CSMD1: variants seen among roughly 807,000 people sequenced by gnomAD.
The protein encoded by CSMD1 is CUB and sushi domain-containing protein 1.
A neutral mutation model predicts 417.5 loss-of-function variants in CSMD1; 213 were observed. That is an observed-to-expected ratio of 0.51 (90% CI 0.46 to 0.57). The LOEUF (loss-of-function observed/expected upper bound fraction) is 0.57, where lower values mean the gene tolerates loss of function less well. CSMD1 is among the 20% of genes least tolerant of loss of function. The probability of loss-of-function intolerance (pLI) is 0.00; values close to 1 mark genes in which losing one functional copy is unlikely to be tolerated. For missense variants in CSMD1, 6,923 were observed against 4,529.7 expected, an observed-to-expected ratio of 1.53 and a Z score of -15.17; for synonymous variants, 2,862 against 1,736.8, an observed-to-expected ratio of 1.65 and a Z score of -16.11.
intron 8 of CSMD1, among the ~76,000 whole-genome samples, chr8:3,601,659 G>A (rs78081875): frequency 5.6e-4 from 86 of 152,272 alleles, no homozygotes; most frequent in African/African-American, 2.0e-3. Context: ...TAAGGCTAAT[G>A]GAAGCCTGTG....
At chr8:4,461,322 G>C (rs1331816543) in intron 2 of CSMD1, among the ~76,000 whole-genome samples, 1 of 151,826 alleles carries the variant, frequency 6.6e-6, no homozygotes, top group East Asian at 1.9e-4. Flanking sequence ...TCAGCAATAA[G>C]ACAAATTCTA....
chr8:3,900,698 G>A (rs1170462094), intron 5 of CSMD1, among the ~76,000 whole-genome samples: 1 of 151,826 alleles, frequency 6.6e-6, no homozygotes, highest in Non-Finnish European at 1.5e-5. Context: ...TGGTGGCCCT[G>A]AAGCTGGATG....
chr8:3,719,615 T>G (rs2129043999), intron 6 of CSMD1, among the ~76,000 whole-genome samples: 2 of 152,240 alleles, frequency 1.3e-5, no homozygotes, highest in East Asian at 3.9e-4. Context: ...AAAAAGATGC[T>G]CTATGCACAG....
intron 1 of CSMD1, among the ~76,000 whole-genome samples, chr8:4,654,325 C>G (rs1804092275): frequency 6.6e-6 from 1 of 152,090 alleles, no homozygotes; most frequent in Non-Finnish European, 1.5e-5. Flanking sequence ...GGATGTATTG[C>G]TTTCTATGCA....
chr8:3,614,500 G>C (rs937238834), intron 8 of CSMD1, among the ~76,000 whole-genome samples: 1 of 152,188 alleles, frequency 6.6e-6, no homozygotes, highest in Non-Finnish European at 1.5e-5. Context: ...GATTGCCCAT[G>C]TGCTAAGAAG....
chr8:3,121,075 G>C (rs1237209976), intron 41 of CSMD1, among the ~76,000 whole-genome samples: 1 of 143,656 alleles, frequency 7.0e-6, no homozygotes, highest in East Asian at 2.2e-4. Flanking sequence ...TTACACTACA[G>C]AAATCCAAAC....
intron 3 of CSMD1, among the ~76,000 whole-genome samples, chr8:4,121,440 C>T (rs1286841416): frequency 6.6e-6 from 1 of 152,160 alleles, no homozygotes; most frequent in Non-Finnish European, 1.5e-5. Context: ...ACGCCCACCA[C>T]ACCGGTCAAG....
At chr8:3,484,868 C>G (rs966400973) in intron 11 of CSMD1, among the ~76,000 whole-genome samples, 9 of 152,168 alleles carry the variant, frequency 5.9e-5, no homozygotes, top group African/African-American at 2.2e-4. Context: ...ATTTAAACCA[C>G]AACGAGGTGT....
chr8:4,212,080 C>G (rs1563281435), intron 3 of CSMD1, among the ~76,000 whole-genome samples: 1 of 151,668 alleles, frequency 6.6e-6, no homozygotes, highest in African/African-American at 2.4e-5. Context: ...AAGAATATGC[C>G]TTGTCAACGG....
rs368391722 is a variant in CSMD1, at chr8:2,962,555, T to A, written c.9539A>T (p.Gln3180Leu). 46 of 1,613,806 alleles carry A rather than the reference T, an allele frequency of 2.9e-5. No homozygotes were observed. The highest frequency in any genetic ancestry group is 3.6e-5 in the Non-Finnish European group (43 of 1,179,858). Residue 3180 changes from glutamine to leucine, a missense_variant, in exon 61 of 70, where the codon CAG becomes CTG. Physicochemically the swap from Gln to Leu is moderately radical, Grantham distance 113. Transcript: ENST00000635120. ...SFTYKSEVFF[Q>L]CKSPFILVGS... The stretch of plus-strand genomic sequence containing the variant: ...CACGAGTATAAATGGAGATTTGCAC[T>A]GGAAGAAGACTTCGGACTTATAGGT...
chr8:3,369,685 T>G (rs1375355593), intron 18 of CSMD1, among the ~76,000 whole-genome samples: 1 of 152,212 alleles, frequency 6.6e-6, no homozygotes, highest in Non-Finnish European at 1.5e-5. Context: ...GCCGCTGGTC[T>G]TCTTAGCAGC....
intron 1 of CSMD1, among the ~76,000 whole-genome samples, chr8:4,812,206 G>T (rs1798947441): frequency 6.6e-6 from 1 of 152,148 alleles, no homozygotes; most frequent in South Asian, 2.1e-4. Context: ...TCACTGCCTT[G>T]CCTACGTCTC....
intron 5 of CSMD1, among the ~76,000 whole-genome samples, chr8:3,880,114 T>C (rs931933456): frequency 5.3e-5 from 8 of 152,178 alleles, no homozygotes; most frequent in African/African-American, 1.9e-4. Context: ...ATTCATTTAC[T>C]GTCACAAGTT....
At chr8:4,901,771 G>A (rs974219396) in intron 1 of CSMD1, among the ~76,000 whole-genome samples, 1 of 152,154 alleles carries the variant, frequency 6.6e-6, no homozygotes, top group Admixed American at 6.5e-5. Context: ...GATAGGGAGA[G>A]GTGCCTTCCT....
intron 3 of CSMD1, among the ~76,000 whole-genome samples, chr8:4,082,995 T>G (rs917721390): frequency 1.3e-5 from 2 of 152,148 alleles, no homozygotes; most frequent in Non-Finnish European, 2.9e-5. Context: ...GTGCCACATT[T>G]TCTTAATCCA....
chr8:4,731,381 T>A (rs78531223), intron 1 of CSMD1, among the ~76,000 whole-genome samples: 1 of 152,046 alleles, frequency 6.6e-6, no homozygotes, highest in East Asian at 1.9e-4. Context: ...TGTGACACAT[T>A]CCCCCACCTG....
chr8:3,752,691 A>AAAAAC (rs1797412830), intron 6 of CSMD1, among the ~76,000 whole-genome samples: 1 of 66,480 alleles, frequency 1.5e-5, no homozygotes, highest in East Asian at 3.9e-4. Flanking sequence ...AAAAAAAAAA[A>AAAAAC]AAAAAAAAAA....
chr8:3,674,488 A>C (rs919192848), intron 7 of CSMD1, among the ~76,000 whole-genome samples: 3 of 152,216 alleles, frequency 2.0e-5, no homozygotes, highest in Non-Finnish European at 4.4e-5. Context: ...CACTACTCTT[A>C]AAAGTATTGG....
chr8:3,914,679 T>A (rs924467088), intron 5 of CSMD1, among the ~76,000 whole-genome samples: 17 of 152,204 alleles, frequency 1.1e-4, no homozygotes, highest in African/African-American at 3.9e-4. Flanking sequence ...TTAAGTCAGC[T>A]TGGTTGTCAA....
Sources: gnomAD v4.1 joint callset for allele counts (sites outside exome capture counted in the v4.1 genomes callset) on GRCh38, gnomAD v4.1.1 for gene constraint, MANE v1.5 for transcripts, NCBI Gene and HGNC (gene_info 2026-07-23, HGNC 2026-07-21) for gene names.